Variants in ERC2 observed in about 807,000 individuals in gnomAD.
ERC2 encodes ERC protein 2.
A neutral mutation model predicts 114.8 loss-of-function variants in ERC2; 42 were observed. The observed-to-expected ratio is 0.37, with a 90% confidence interval of 0.29 to 0.47. The LOEUF (loss-of-function observed/expected upper bound fraction) is 0.47, where lower values mean the gene tolerates loss of function less well. ERC2 is among the 20% of genes least tolerant of loss of function. ERC2 has a pLI of 0.99. For synonymous variants in ERC2, 454 were observed against 425.5 expected, an observed-to-expected ratio of 1.07 and a Z score of -0.82; for missense variants, 939 against 1,150.7, an observed-to-expected ratio of 0.82 and a Z score of 2.66.
At chr3:55,812,259 AG>A (rs2059746796) in intron 14 of ERC2, among the ~76,000 whole-genome samples, 1 of 152,224 alleles carries the variant, frequency 6.6e-6, no homozygotes, top group African/African-American at 2.4e-5. Context: ...TCTCCCATAG[AG>A]GGGACCTCGA....
At chr3:55,610,218 C>T (rs1232444662) in intron 17 of ERC2, among the ~76,000 whole-genome samples, 2 of 151,920 alleles carry the variant, frequency 1.3e-5, no homozygotes, top group East Asian at 1.9e-4. Context: ...CCATTAGCAC[C>T]CCTCATTTGG....
At chr3:55,879,762 C>T (rs2063034136) in intron 14 of ERC2, among the ~76,000 whole-genome samples, 1 of 152,176 alleles carries the variant, frequency 6.6e-6, no homozygotes, top group Non-Finnish European at 1.5e-5. Context: ...CCCCAATATC[C>T]ATTCTTTCCT....
At chr3:55,714,667 G>GTATATA (rs59969304) in intron 15 of ERC2, among the ~76,000 whole-genome samples, 2 of 88,584 alleles carry the variant, frequency 2.3e-5, no homozygotes, top group South Asian at 3.3e-4. Context: ...GTGTGTGTGT[G>GTATATA]TATATATATA....
At chr3:55,696,888 A>G (rs926991384) in intron 16 of ERC2, among the ~76,000 whole-genome samples, 1 of 152,178 alleles carries the variant, frequency 6.6e-6, no homozygotes, top group African/African-American at 2.4e-5. Flanking sequence ...TCTAATTAAA[A>G]AAGTCTAGCA....
At chr3:56,259,588 C>A (rs2052769603) in intron 3 of ERC2, among the ~76,000 whole-genome samples, 1 of 151,796 alleles carries the variant, frequency 6.6e-6, no homozygotes, top group Non-Finnish European at 1.5e-5. Context: ...GATATAATAT[C>A]CCAGATACCC....
intron 13 of ERC2, among the ~76,000 whole-genome samples, chr3:55,937,533 G>A (rs2066520984): frequency 6.6e-6 from 1 of 152,162 alleles, no homozygotes; most frequent in East Asian, 1.9e-4. Context: ...CCTCTCAGAG[G>A]GGAAGATAAG....
intron 2 of ERC2, among the ~76,000 whole-genome samples, chr3:56,395,915 C>T (rs4246675): frequency 0.62 from 93,591 of 152,096 alleles, 29,264 homozygotes; most frequent in East Asian, 0.85. Flanking sequence ...TTAGTATCTC[C>T]CTTTTTACGT....
In ERC2 at chr3:55,725,888, T is replaced by C. The variant is rs555773571; in HGVS notation, c.2712+8883A>G. On this transcript the variant is annotated intron_variant, in intron 15 of 17. Transcript: ENST00000288221. ...GAGTGGATTCCCTGAGTACTGGGGT[T>C]GAGGCACCAGCTGCCTAGGATAAAG... Among the ~76,000 whole-genome samples, 3 of 152,338 alleles carry C rather than the reference T, an allele frequency of 2.0e-5. No individual in the cohort carries two copies. In the South Asian group the frequency reaches 6.2e-4, roughly 32 times the overall value.
chr3:56,371,931 A>G (rs1290264826), intron 2 of ERC2, among the ~76,000 whole-genome samples: 1 of 152,252 alleles, frequency 6.6e-6, no homozygotes, highest in Non-Finnish European at 1.5e-5. Context: ...TGAGAAGCCT[A>G]GGAAAGCACT....
At chr3:56,212,746 A>ATGTG (rs200404953) in intron 3 of ERC2, among the ~76,000 whole-genome samples, 13,117 of 152,044 alleles carry the variant, frequency 0.086, 762 homozygotes, top group Admixed American at 0.15. Flanking sequence ...TATGATATAT[A>ATGTG]TATGTGTGTG....
intron 17 of ERC2, among the ~76,000 whole-genome samples, chr3:55,630,834 CAG>C (rs2059724876): frequency 1.3e-5 from 2 of 152,016 alleles, no homozygotes; most frequent in Admixed American, 1.3e-4. Context: ...GAAAATTAAA[CAG>C]AGAGTAAATA....
At chr3:56,114,924 A>G (rs2079146237) in intron 6 of ERC2, among the ~76,000 whole-genome samples, 1 of 152,240 alleles carries the variant, frequency 6.6e-6, no homozygotes, top group Admixed American at 6.5e-5. Flanking sequence ...CCAACAAATT[A>G]GCCACAAGAT....
intron 7 of ERC2, among the ~76,000 whole-genome samples, 168 bp downstream of exon 7, chr3:56,080,649 T>C (rs1441757279): frequency 1.3e-5 from 2 of 152,202 alleles, no homozygotes; most frequent in African/African-American, 4.8e-5. Context: ...CAAGCAACGC[T>C]AATATTGACA....
intron 17 of ERC2, among the ~76,000 whole-genome samples, chr3:55,672,379 C>T (rs891232506): frequency 6.6e-6 from 1 of 151,576 alleles, no homozygotes; most frequent in African/African-American, 2.4e-5. Context: ...CCAACACCAT[C>T]AGTGCACTGA....
intron 3 of ERC2, among the ~76,000 whole-genome samples, chr3:56,268,379 C>G (rs899011690): frequency 1.6e-4 from 24 of 151,998 alleles, no homozygotes; most frequent in African/African-American, 5.8e-4. Flanking sequence ...GAACGTATCC[C>G]CATCGTTAAG....
intron 13 of ERC2, among the ~76,000 whole-genome samples, chr3:55,911,639 C>CAATTTCTT (rs2064821361): frequency 6.6e-6 from 1 of 152,120 alleles, no homozygotes; most frequent in African/African-American, 2.4e-5. Flanking sequence ...TCCCAAATAC[C>CAATTTCTT]CAATTTCTTC....
chr3:55,991,781 C>T (rs1157592249), intron 11 of ERC2, among the ~76,000 whole-genome samples: 2 of 152,166 alleles, frequency 1.3e-5, no homozygotes, highest in Non-Finnish European at 2.9e-5. Context: ...TTCTTACACA[C>T]TTCGCTGGAA....
At chr3:55,695,449 T>C (rs1303179567) in intron 16 of ERC2, among the ~76,000 whole-genome samples, 1 of 152,216 alleles carries the variant, frequency 6.6e-6, no homozygotes, top group African/African-American at 2.4e-5. Context: ...GGCTAGATTC[T>C]TGAGCTGCCA....
At chr3:55,613,598 T>A (rs1227317962) in intron 17 of ERC2, among the ~76,000 whole-genome samples, 1 of 152,170 alleles carries the variant, frequency 6.6e-6, no homozygotes, top group African/African-American at 2.4e-5. Flanking sequence ...AAAACCATCC[T>A]GGATTCTTAT....
Sources: allele counts gnomAD v4.1 joint callset (sites outside exome capture counted in the v4.1 genomes callset), GRCh38; gene constraint gnomAD v4.1.1; transcripts MANE v1.5; gene names NCBI Gene and HGNC (gene_info 2026-07-23, HGNC 2026-07-21).